TRAPPC11: variants seen among roughly 807,000 people sequenced by gnomAD.
TRAPPC11 encodes the protein foie gras homolog.
Under a neutral mutation model 151.2 loss-of-function variants are expected in TRAPPC11, and 104 were observed. The ratio of observed to expected loss-of-function variants is 0.69; its 90% CI spans 0.59 to 0.81. The LOEUF (loss-of-function observed/expected upper bound fraction) is 0.81, where lower values mean the gene tolerates loss of function less well. TRAPPC11 is among the 30% of genes least tolerant of loss of function. The pLI is 0.00. For missense variants in TRAPPC11, 1,230 were observed against 1,349.6 expected, an observed-to-expected ratio of 0.91 and a Z score of 1.39; for synonymous variants, 456 against 472.3, an observed-to-expected ratio of 0.97 and a Z score of 0.45.
chr4:183,695,324 T>C (rs1222190321), intron 23 of TRAPPC11, among the ~76,000 whole-genome samples: 1 of 152,172 alleles, frequency 6.6e-6, no homozygotes, highest in Non-Finnish European at 1.5e-5. Context: ...AATCTGTAAG[T>C]TGACTTACAT....
At chr4:183,686,069 C>A (rs907395341) in intron 17 of TRAPPC11, among the ~76,000 whole-genome samples, 1 of 152,114 alleles carries the variant, frequency 6.6e-6, no homozygotes, top group African/African-American at 2.4e-5. Flanking sequence ...AACTTCTGAC[C>A]TTAGGTGATG....
intron 2 of TRAPPC11, among the ~76,000 whole-genome samples, chr4:183,664,276 T>G (rs1734727849): frequency 6.6e-6 from 1 of 152,206 alleles, no homozygotes; most frequent in African/African-American, 2.4e-5. Context: ...GAATAATTAC[T>G]TTATAAAGCT....
rs747198156 is a variant in TRAPPC11 at position 183,693,938 on chromosome 4, A to G, written c.2408A>G (p.Gln803Arg). 3 of 1,613,658 alleles carry G rather than the reference A, an allele frequency of 1.9e-6. No homozygotes were observed. The highest frequency in any genetic ancestry group is 1.7e-6 in the Non-Finnish European group (2 of 1,179,626). The change falls in exon 22 of 30, where the codon CAG becomes CGG. Residue 803 changes from glutamine (Q) to arginine (R), a missense_variant. Transcript: ENST00000334690. ...LKPGQDANLT[Q>R]KTHVTLHGTE... Reference sequence around the variant, plus strand: ...TTAGGACAGGATGCCAATTTAACTCAGAAGACTCACGTGACTCTTCATGGA... The same window carrying G: ...TTAGGACAGGATGCCAATTTAACTCGGAAGACTCACGTGACTCTTCATGGA...
At chr4:183,665,137 G>C (rs74965481) in intron 2 of TRAPPC11, among the ~76,000 whole-genome samples, 243 of 116,534 alleles carry the variant, frequency 2.1e-3, no homozygotes, top group Admixed American at 6.8e-3. Flanking sequence ...CTCTGTCCCC[G>C]AGGCTGGAGT....
At chr4:183,669,996 C>T (rs1398131488) in intron 5 of TRAPPC11, among the ~76,000 whole-genome samples, 2 of 152,194 alleles carry the variant, frequency 1.3e-5, no homozygotes, top group African/African-American at 4.8e-5. Context: ...CATGTGGATA[C>T]AAGATGGGGA....
At chr4:183,673,902 A>C (rs1466776835) in intron 5 of TRAPPC11, among the ~76,000 whole-genome samples, 1 of 152,118 alleles carries the variant, frequency 6.6e-6, no homozygotes, top group Admixed American at 6.6e-5. Flanking sequence ...TTCCTATGTA[A>C]GTTATAGAAT....
chr4:183,702,406 A>C (rs1351854530), intron 26 of TRAPPC11, among the ~76,000 whole-genome samples: 1 of 152,116 alleles, frequency 6.6e-6, no homozygotes, highest in African/African-American at 2.4e-5. Context: ...GGGGAAAAAA[A>C]CGTAAATGCC....
chr4:183,674,002 A>C (rs536047593), intron 5 of TRAPPC11, among the ~76,000 whole-genome samples: 7 of 152,192 alleles, frequency 4.6e-5, no homozygotes, highest in Non-Finnish European at 7.3e-5. Context: ...TATTCTTTTA[A>C]ATCCTAAATA....
At chr4:183,691,767 A>G (rs1736273017) in intron 19 of TRAPPC11, among the ~76,000 whole-genome samples, 1 of 152,098 alleles carries the variant, frequency 6.6e-6, no homozygotes, top group South Asian at 2.1e-4. Flanking sequence ...TAGTATATAA[A>G]CCAATCTTGT....
chr4:183,712,792 A>C lies in TRAPPC11; in HGVS notation c.*148A>C. 1 of 612,338 alleles carries C rather than the reference A, an allele frequency of 1.6e-6. No homozygotes were observed. Among genetic ancestry groups the C allele is most frequent in the Non-Finnish European group, 2.8e-6 (1 of 361,158 alleles). 37.9% of individuals were successfully genotyped at this position (612,338 alleles called of 1,614,324 possible). A position where few individuals can be genotyped will look rare whatever the true frequency, so the allele number is the denominator to read the frequency against. On this transcript the variant is annotated 3_prime_UTR_variant, in exon 30 of 30. Coordinates refer to ENST00000334690, the MANE Select transcript of TRAPPC11 (RefSeq NM_021942.6). The stretch of plus-strand genomic sequence containing the variant: ...TTATACCAACTATTCAGAGGAACTC[A>C]TACTTCAAAAATATTAGGAAAATCT...
At position 183,708,346 on chromosome 4, in the gene TRAPPC11, CAT is replaced by C. The variant is rs1427020611; in HGVS notation, c.3190-57_3190-56del. 1.2e-5 allele frequency: 18 copies of C among 1,518,434 alleles called. No individual in the cohort carries two copies. In the African/African-American group the frequency reaches 1.5e-4, roughly 13 times the overall value. 94.1% of individuals were successfully genotyped at this position (1,518,434 alleles called of 1,614,324 possible). ...TTTTGTAAATAATTGAGGGTAACAA[CAT>C]ATAGATATTGCACATATGTGTATTT... On this transcript the variant is annotated intron_variant, in intron 28 of 29. Transcript: ENST00000334690.
Position 183,693,072 on chromosome 4 carries a change from G to T in TRAPPC11, c.2162G>T (p.Arg721Leu), listed in dbSNP as rs777361172. ...TCCCAAGAAGCCTTACAGGCAGCTC[G>T]GTCTTTCAAAAGGCGACCTAAGCTA... ...ASSQEALQAA[R>L]SFKRRPKLPD... Residue 721 changes from arginine (R) to leucine (L), a missense_variant, in exon 20 of 30, where the codon CGG (arginine) becomes CTG (leucine). Coordinates refer to ENST00000334690, the MANE Select transcript of TRAPPC11 (RefSeq NM_021942.6). 3 of 1,613,164 alleles carry T rather than the reference G, an allele frequency of 1.9e-6. No individual in the cohort carries two copies. The highest frequency in any genetic ancestry group is 2.5e-6 in the Non-Finnish European group (3 of 1,179,506).
intron 2 of TRAPPC11, among the ~76,000 whole-genome samples, chr4:183,665,069 C>A (rs1186024900): frequency 1.3e-5 from 2 of 150,738 alleles, no homozygotes; most frequent in African/African-American, 4.9e-5. Context: ...CTGGCCCTCA[C>A]ACGATTATTT....
At chr4:183,661,237 A>C (rs1734496474) in intron 1 of TRAPPC11, among the ~76,000 whole-genome samples, 1 of 152,004 alleles carries the variant, frequency 6.6e-6, no homozygotes, top group Non-Finnish European at 1.5e-5. Context: ...TCTTTCCTAA[A>C]TTAACCTTTC....
At chr4:183,689,985 T>C (rs1176864816) in intron 18 of TRAPPC11, among the ~76,000 whole-genome samples, 2 of 152,150 alleles carry the variant, frequency 1.3e-5, no homozygotes, top group African/African-American at 4.8e-5. Flanking sequence ...GGCGGATCAC[T>C]GGAGGTCAGG....
At chr4:183,688,780 C>G (rs990723556) in intron 18 of TRAPPC11, among the ~76,000 whole-genome samples, 1 of 152,066 alleles carries the variant, frequency 6.6e-6, no homozygotes, top group African/African-American at 2.4e-5. Flanking sequence ...AGGCTGCACT[C>G]TATCTCCCAG....
chr4:183,691,660 A>C (rs1001690388), intron 19 of TRAPPC11, among the ~76,000 whole-genome samples, 189 bp downstream of exon 19: 10 of 152,228 alleles, frequency 6.6e-5, no homozygotes, highest in Admixed American at 1.3e-4. Context: ...TTGTAGTTTA[A>C]AATTTTTTGC....
At chr4:183,673,444 C>T (rs1348510706) in intron 5 of TRAPPC11, among the ~76,000 whole-genome samples, 1 of 152,040 alleles carries the variant, frequency 6.6e-6, no homozygotes, top group African/African-American at 2.4e-5. Context: ...GAGATCGAGG[C>T]ATTTGGATCG....
rs1306801921 is a variant in TRAPPC11 at position 183,686,582 on chromosome 4, G to A, written c.1763-36G>A. ...GATGTGTGTGGGTCGTGGGTATCTG[G>A]TTGTGCATAACACAGCCCTTTTGTT... is the stretch of plus-strand genomic sequence containing the variant. On this transcript the variant is annotated intron_variant, in intron 17 of 29. Coordinates refer to ENST00000334690, the MANE Select transcript of TRAPPC11 (RefSeq NM_021942.6). 5 of 1,609,112 alleles carry A rather than the reference G, an allele frequency of 3.1e-6. No homozygotes were observed. In the Admixed American group the frequency reaches 6.7e-5, roughly 22 times the overall value.
Sources: allele counts gnomAD v4.1 joint callset (sites outside exome capture counted in the v4.1 genomes callset), GRCh38; gene constraint gnomAD v4.1.1; transcripts MANE v1.5; gene names NCBI Gene and HGNC (gene_info 2026-07-23, HGNC 2026-07-21).